The following FRMD4B variants were observed in gnomAD, a reference collection of about 807,000 sequenced individuals.
FRMD4B encodes the protein FERM domain-containing protein 4B.
In FRMD4B, 74 loss-of-function variants were observed where a neutral mutation model predicts 141.5. The observed-to-expected ratio is 0.52, with a 90% CI of 0.43 to 0.63. The LOEUF (loss-of-function observed/expected upper bound fraction) is 0.63. FRMD4B is among the 30% of genes least tolerant of loss of function. The pLI is 0.00. For synonymous variants in FRMD4B, 506 were observed against 467.9 expected, an observed-to-expected ratio of 1.08 and a Z score of -1.05; for missense variants, 1,366 against 1,253.4, an observed-to-expected ratio of 1.09 and a Z score of -1.36.
intron 1 of FRMD4B, among the ~76,000 whole-genome samples, chr3:69,523,430 T>A (rs939825933): frequency 6.6e-6 from 1 of 152,114 alleles, no homozygotes; most frequent in Non-Finnish European, 1.5e-5. Flanking sequence ...GGTATTGGTG[T>A]GGGGTACCAT....
intron 1 of FRMD4B, among the ~76,000 whole-genome samples, 197 bp downstream of exon 1, chr3:69,385,631 C>A (rs1189953186): frequency 6.6e-6 from 1 of 152,194 alleles, no homozygotes; most frequent in Non-Finnish European, 1.5e-5. Flanking sequence ...AAGTGCCCCC[C>A]ATGCCCGATT....
chr3:69,317,643 T>C (rs1301889760), intron 1 of FRMD4B, among the ~76,000 whole-genome samples: 2 of 149,348 alleles, frequency 1.3e-5, no homozygotes, highest in Non-Finnish European at 2.9e-5. Context: ...TAATCCCAGC[T>C]ACTTGGGAGG....
intron 1 of FRMD4B, among the ~76,000 whole-genome samples, chr3:69,512,360 C>T (rs181159064): frequency 2.8e-4 from 43 of 152,268 alleles, no homozygotes; most frequent in African/African-American, 9.6e-4. Flanking sequence ...CGCATAATTT[C>T]TTGGGTTAAT....
chr3:69,175,729 TGCG>T (rs2092636854), intron 22 of FRMD4B, among the ~76,000 whole-genome samples: 1 of 151,436 alleles, frequency 6.6e-6, no homozygotes, highest in Non-Finnish European at 1.5e-5. Flanking sequence ...AAGAACAGAA[TGCG>T]TTAGATGAGG....
chr3:69,532,555 T>C (rs1701021160), intron 1 of FRMD4B, among the ~76,000 whole-genome samples: 1 of 152,210 alleles, frequency 6.6e-6, no homozygotes, highest in Non-Finnish European at 1.5e-5. Context: ...GTCAGTCTGC[T>C]GCCAAGGTAG....
At chr3:69,277,238 T>C (rs763635414) in intron 5 of FRMD4B, among the ~76,000 whole-genome samples, 22 of 152,294 alleles carry the variant, frequency 1.4e-4, no homozygotes, top group Middle Eastern at 6.8e-3. Flanking sequence ...ACTAAAGCCT[T>C]ACAGAGCCAT....
rs987232147 is a variant in FRMD4B at position 69,182,304 on chromosome 3, A to G, written c.2039+294T>C. Among the ~76,000 whole-genome samples, 3 of 152,226 alleles carry G rather than the reference A, an allele frequency of 2.0e-5. No homozygotes were observed. The South Asian group carries it at 6.2e-4, about 31-fold the overall frequency. On this transcript the variant is annotated intron_variant, in intron 20 of 22. Transcript: ENST00000398540. ...ATAAAACATTTAGCACAGCACTCAC[A>G]AACATTTCAAAATGTTGCTATTGTT...
intron 10 of FRMD4B, among the ~76,000 whole-genome samples, chr3:69,217,416 T>G (rs1162763317): frequency 4.0e-5 from 6 of 150,874 alleles, no homozygotes; most frequent in African/African-American, 9.8e-5. Context: ...AGGTCAGGAG[T>G]TCAAGACCAG....
intron 1 of FRMD4B, among the ~76,000 whole-genome samples, chr3:69,476,573 T>C (rs1243344267): frequency 1.3e-5 from 2 of 152,204 alleles, no homozygotes; most frequent in South Asian, 2.1e-4. Flanking sequence ...ATCTCTGTTT[T>C]GGTACCAGTA....
chr3:69,541,824 T>G (rs1701190158), intron 1 of FRMD4B, among the ~76,000 whole-genome samples: 1 of 149,134 alleles, frequency 6.7e-6, no homozygotes, highest in South Asian at 2.2e-4. Context: ...TAGAAGTATC[T>G]CTGGGGGCCA....
At chr3:69,246,475 T>G (rs1017910176) in intron 7 of FRMD4B, among the ~76,000 whole-genome samples, 2 of 151,622 alleles carry the variant, frequency 1.3e-5, no homozygotes, top group Admixed American at 6.6e-5. Flanking sequence ...AAAAACAAAA[T>G]AAAACAAAAG....
intron 1 of FRMD4B, among the ~76,000 whole-genome samples, chr3:69,467,253 G>C (rs1470368126): frequency 6.6e-6 from 1 of 152,180 alleles, no homozygotes; most frequent in East Asian, 1.9e-4. Flanking sequence ...CTGGAAGGAA[G>C]CTAATAAAGC....
At chr3:69,213,360 TACTCTGGG>T (rs2093105456) in intron 11 of FRMD4B, among the ~76,000 whole-genome samples, 1 of 138,264 alleles carries the variant, frequency 7.2e-6, no homozygotes, top group African/African-American at 2.7e-5. Flanking sequence ...GAGTATTTCT[TACTCTGGG>T]TAAAAAAAAA....
intron 5 of FRMD4B, among the ~76,000 whole-genome samples, chr3:69,264,883 A>G (rs2093550761): frequency 6.6e-6 from 1 of 152,178 alleles, no homozygotes; most frequent in African/African-American, 2.4e-5. Flanking sequence ...CTTGATCACG[A>G]TGAAGATAGG....
chr3:69,246,679 T>C (rs535644710), intron 7 of FRMD4B, among the ~76,000 whole-genome samples: 2 of 152,250 alleles, frequency 1.3e-5, no homozygotes, highest in South Asian at 4.1e-4. Context: ...ACAGGATAAG[T>C]GGCCACTCAG....
At chr3:69,343,104 C>T (rs1575748315) in intron 1 of FRMD4B, among the ~76,000 whole-genome samples, 1 of 39,134 alleles carries the variant, frequency 2.6e-5, no homozygotes, top group Admixed American at 3.3e-4. Context: ...CAGAGGCACA[C>T]CACCACATCT....
chr3:69,454,131 A>T (rs1389253203), intron 1 of FRMD4B, among the ~76,000 whole-genome samples: 1 of 152,228 alleles, frequency 6.6e-6, no homozygotes, highest in Admixed American at 6.5e-5. Context: ...GATAACAGTA[A>T]CAATGAAGAA....
chr3:69,478,389 A>G (rs905398488), intron 1 of FRMD4B, among the ~76,000 whole-genome samples: 2 of 152,126 alleles, frequency 1.3e-5, no homozygotes, highest in African/African-American at 2.4e-5. Context: ...TGTCCCAGAG[A>G]TTCTGGTATG....
intron 1 of FRMD4B, among the ~76,000 whole-genome samples, chr3:69,525,079 A>G (rs939318987): frequency 6.6e-6 from 1 of 152,240 alleles, no homozygotes; most frequent in Non-Finnish European, 1.5e-5. Flanking sequence ...CAAAACTGCA[A>G]CTGGGGCAGT....
Sources: gnomAD v4.1 joint callset for allele counts (sites outside exome capture counted in the v4.1 genomes callset) on GRCh38, gnomAD v4.1.1 for gene constraint, MANE v1.5 for transcripts, NCBI Gene and HGNC (gene_info 2026-07-23, HGNC 2026-07-21) for gene names.